LPA: variants seen among roughly 807,000 people sequenced by gnomAD.
LPA encodes apolipoprotein(a).
LPA carries 199 observed loss-of-function variants against 197.9 expected under a neutral mutation model. The ratio of observed to expected loss-of-function variants is 1.01; its 90% CI spans 0.90 to 1.13. The LOEUF (loss-of-function observed/expected upper bound fraction) is 1.13, where lower values mean the gene tolerates loss of function less well. Among genes scored for constraint, LPA ranks in the 50% most tolerant of loss-of-function variants. The probability of loss-of-function intolerance (pLI) is 0.00; values close to 1 mark genes in which losing one functional copy is unlikely to be tolerated. For missense variants in LPA, 1,853 were observed against 1,785.8 expected, an observed-to-expected ratio of 1.04 and a Z score of -0.68; for synonymous variants, 715 against 639.5, an observed-to-expected ratio of 1.12 and a Z score of -1.78.
At chr6:160,567,249 G>T (rs557417952) in intron 28 of LPA, among the ~76,000 whole-genome samples, 1 of 152,158 alleles carries the variant, frequency 6.6e-6, no homozygotes, top group Non-Finnish European at 1.5e-5. Context: ...TGGAAGTGAG[G>T]CATTCCTCAG....
rs564476085 is a variant in LPA, at chr6:160,584,362, T to C, written c.4289+684A>G. On this transcript the variant is annotated intron_variant, in intron 26 of 38. Transcript: ENST00000316300. ...TTTTTTTTTTTTTGAGATTGAGTCT[T>C]GCTCTGTCACCCAGGCTGGAGTGCA... Among the ~76,000 whole-genome samples the C allele has an allele frequency of 1.8e-4, 26 of 147,116 alleles. 1 individual carries two copies. The East Asian group carries it at 5.2e-3, about 30-fold the overall frequency.
chr6:160,541,079 C>A (rs761191628), intron 35 of LPA, 28 bp downstream of exon 35: 1 of 1,600,616 alleles, frequency 6.2e-7, no homozygotes, highest in Non-Finnish European at 8.6e-7. Flanking sequence ...GAAGATAAGA[C>A]CCCATGTCAG....
Position 160,594,035 on chromosome 6 carries a change from G to C in LPA, c.3552C>G (p.Val1184=), listed in dbSNP as rs765841245. ...ACCAAGACTGACATGTCCTTCCTGT[G>C]ACAGTGGTAGAGAATGAGCCTCGAT... ...QSYRGSFSTT[V]TGRTCQSWSS... Residue 1184 remains valine (V), a synonymous_variant, in exon 22 of 39, where the codon GTC becomes GTG. Coordinates refer to ENST00000316300, the MANE Select transcript of LPA (RefSeq NM_005577.4). The C allele has an allele frequency of 9.9e-6, 16 of 1,614,010 alleles. No homozygotes were observed. Among genetic ancestry groups the C allele is most frequent in the Non-Finnish European group, 1.2e-5 (14 of 1,179,884 alleles).
intron 6 of LPA, among the ~76,000 whole-genome samples, chr6:160,635,704 T>C (rs1392991119): frequency 2.6e-5 from 3 of 113,652 alleles, no homozygotes; most frequent in Admixed American, 1.6e-4. Context: ...TCTGTATCTG[T>C]CTAGTCTCCG....
At position 160,536,505 on chromosome 6, in the gene LPA, G is replaced by A. The variant is rs1562313530; in HGVS notation, c.5842+1350C>T. Reference sequence around the variant, plus strand: ...CATCAGCTGAGGAAACAATCAGCGAGAGCTCACGACTTTTCTAAGTCCTGA... The same window carrying A: ...CATCAGCTGAGGAAACAATCAGCGAAAGCTCACGACTTTTCTAAGTCCTGA... On this transcript the variant is annotated intron_variant, in intron 37 of 38. Transcript: ENST00000316300. 2.6e-5 allele frequency among the ~76,000 whole-genome samples: 4 copies of A among 152,168 alleles called. 1 individual carries two copies. In the South Asian group the frequency reaches 8.3e-4, roughly 32 times the overall value.
intron 1 of LPA, among the ~76,000 whole-genome samples, chr6:160,654,854 G>A (rs1009610454): frequency 1.3e-5 from 2 of 152,178 alleles, no homozygotes; most frequent in East Asian, 3.9e-4. Flanking sequence ...CCACTTTCGG[G>A]TGGTGCCTGC....
intron 28 of LPA, among the ~76,000 whole-genome samples, chr6:160,560,665 T>G (rs1469657707): frequency 6.6e-6 from 1 of 152,160 alleles, no homozygotes; most frequent in African/African-American, 2.4e-5. Context: ...TTTGTTTAAG[T>G]TGCTTGTACA....
intron 29 of LPA, among the ~76,000 whole-genome samples, chr6:160,556,568 A>T (rs1033632118): frequency 3.3e-5 from 5 of 151,876 alleles, no homozygotes; most frequent in Non-Finnish European, 5.9e-5. Context: ...AGACATGAAA[A>T]CCCTGCACAG....
chr6:160,556,392 G>A (rs1778263732), intron 29 of LPA, among the ~76,000 whole-genome samples: 1 of 152,034 alleles, frequency 6.6e-6, no homozygotes, highest in African/African-American at 2.4e-5. Context: ...TCAAAACCTG[G>A]TGGGAAAAGG....
chr6:160,655,214 C>T (rs1482978389), intron 1 of LPA, among the ~76,000 whole-genome samples: 6 of 152,164 alleles, frequency 3.9e-5, no homozygotes, highest in East Asian at 1.9e-4. Context: ...CACCAAAGCC[C>T]AATAACAGAC....
chr6:160,647,605 A>T (rs1345198070), intron 2 of LPA, among the ~76,000 whole-genome samples: 3 of 152,306 alleles, frequency 2.0e-5, no homozygotes, highest in Admixed American at 6.5e-5. Flanking sequence ...TTGTTATTAT[A>T]CAACAAACCT....
At chr6:160,595,845 T>A (rs2115049516) in intron 20 of LPA, among the ~76,000 whole-genome samples, 1 of 152,342 alleles carries the variant, frequency 6.6e-6, no homozygotes, top group East Asian at 1.9e-4. Flanking sequence ...ATTGTACTTG[T>A]ACAATTATAC....
chr6:160,664,114 T>C (rs1780269934), intron 1 of LPA, 52 bp downstream of exon 1: 2 of 1,483,652 alleles, frequency 1.3e-6, no homozygotes, highest in Non-Finnish European at 1.9e-6. Flanking sequence ...GTATTTTTAC[T>C]ACATTGTGGG....
chr6:160,595,447 A>C lies in LPA; in HGVS notation c.3376T>G (p.Cys1126Gly). 6.2e-7 allele frequency: 1 copy of C among 1,613,926 alleles called. No homozygotes were observed. Among genetic ancestry groups the C allele is most frequent in the Non-Finnish European group, 8.5e-7 (1 of 1,179,934 alleles). Residue 1126 changes from cysteine (C) to glycine (G), a missense_variant, in exon 21 of 39, where the codon TGC (cysteine) becomes GGC (glycine). Around this residue, in one of 3 missense-constraint regions of LPA, gnomAD observed 1,737 missense variants for 1,504.4 expected, o/e 1.15. Coordinates refer to ENST00000316300, the MANE Select transcript of LPA (RefSeq NM_005577.4). ...GTCACCAGGCATTGTGTCAGGTTGC[A>C]GTACTCCCACCTGACACTGGGATCC... ...TMDPSVRWEY[C>G]NLTQCLVTES...
At chr6:160,553,966 C>CGT (rs1231552269) in intron 30 of LPA, among the ~76,000 whole-genome samples, 949 of 45,836 alleles carry the variant, frequency 0.021, 8 homozygotes, top group Non-Finnish European at 0.037. Flanking sequence ...CGCGCGCGCG[C>CGT]GTGTGCGTGT....
Position 160,600,926 on chromosome 6 carries a change from A to T in LPA, c.3118T>A (p.Phe1040Ile). ...VILAPSLEAF[F>I]EQALTEETPG... Reference sequence around the variant, plus strand: ...TGGCACAACTTCTTACCTTGTTCAAAAAAAGCCTCTAGGCTTGGAGCCAGA... The same window carrying T: ...TGGCACAACTTCTTACCTTGTTCAATAAAAGCCTCTAGGCTTGGAGCCAGA... The change falls in exon 19 of 39, where the codon TTT becomes ATT. Residue 1040 changes from phenylalanine (F) to isoleucine (I), a missense_variant. By Grantham distance (21) the Phe-to-Ile change is conservative (BLOSUM62 0). Around this residue, in one of 3 missense-constraint regions of LPA, gnomAD observed 1,737 missense variants for 1,504.4 expected, o/e 1.15. Transcript: ENST00000316300. 6.2e-7 allele frequency: 1 copy of T among 1,612,528 alleles called. No homozygotes were observed.
At chr6:160,564,857 A>T (rs1278397103) in intron 28 of LPA, among the ~76,000 whole-genome samples, 1 of 152,200 alleles carries the variant, frequency 6.6e-6, no homozygotes, top group Non-Finnish European at 1.5e-5. Context: ...TATCCTGCAC[A>T]TGGCTCAGAG....
At position 160,664,239 on chromosome 6, in the gene LPA, G is replaced by C. The variant is rs1355323423; in HGVS notation, c.-25C>G. 4 of 1,603,994 alleles carry C rather than the reference G, an allele frequency of 2.5e-6. No homozygotes were observed. The South Asian group carries it at 4.4e-5, about 18-fold the overall frequency. ...TTTTGGGACTGGCCAGCAGTGCCCA[G>C]AAAGTGTGTCCCAATCCCAGGACAT... is the stretch of plus-strand genomic sequence containing the variant. On this transcript the variant is annotated 5_prime_UTR_variant, in exon 1 of 39. Coordinates refer to ENST00000316300, the MANE Select transcript of LPA (RefSeq NM_005577.4).
At chr6:160,587,801 T>TGTG (rs1562333102) in intron 24 of LPA, among the ~76,000 whole-genome samples, 1 of 79,628 alleles carries the variant, frequency 1.3e-5, no homozygotes, top group Non-Finnish European at 2.6e-5. Flanking sequence ...GTGTGTGTGT[T>TGTG]TCTGTCTGTT....
Sources: allele counts gnomAD v4.1 joint callset (sites outside exome capture counted in the v4.1 genomes callset), GRCh38; gene constraint gnomAD v4.1.1; regional missense constraint gnomAD v4.1.1; transcripts MANE v1.5; gene names NCBI Gene and HGNC (gene_info 2026-07-23, HGNC 2026-07-21).